The following HYCC2 variants were observed in gnomAD, a reference collection of about 807,000 sequenced individuals.
HYCC2 encodes the protein hyccin PI4KA lipid kinase complex subunit 2, also known as hyccin 2.
chr2:200,999,570 A>T, the HYCC2 span, among the ~76,000 whole-genome samples: 1 of 151,224 alleles, frequency 6.6e-6, no homozygotes, highest in African/African-American at 2.4e-5. Context: ...TTGTATTTTT[A>T]GTAGCGACAG....
the HYCC2 span, among the ~76,000 whole-genome samples, chr2:201,005,826 TTTTA>T: frequency 5.9e-5 from 9 of 151,996 alleles, no homozygotes; most frequent in Non-Finnish European, 1.2e-4. Flanking sequence ...ATTTTGTTAT[TTTTA>T]TTTATTTATT....
the HYCC2 span, among the ~76,000 whole-genome samples, chr2:201,015,369 G>A: frequency 6.6e-6 from 1 of 151,158 alleles, no homozygotes; most frequent in Admixed American, 6.6e-5. Context: ...TAGTATCTCA[G>A]AAGTGTTTAT....
the HYCC2 span, among the ~76,000 whole-genome samples, chr2:201,055,667 C>G: frequency 6.6e-6 from 1 of 152,162 alleles, no homozygotes; most frequent in Non-Finnish European, 1.5e-5. Flanking sequence ...CACTGCACCC[C>G]AGCATGGGTG....
the HYCC2 span, chr2:201,017,049 C>A: frequency 6.2e-7 from 1 of 1,614,088 alleles, no homozygotes; most frequent in Non-Finnish European, 8.5e-7. Context: ...TCTGTCTCGG[C>A]TAACTGTAAG....
chr2:201,033,741 A>G, the HYCC2 span, among the ~76,000 whole-genome samples: 3 of 151,806 alleles, frequency 2.0e-5, no homozygotes, highest in Non-Finnish European at 2.9e-5. Flanking sequence ...GGGTTTTCCT[A>G]TGTTGCCCAG....
the HYCC2 span, among the ~76,000 whole-genome samples, chr2:201,043,299 G>C: frequency 1.3e-5 from 2 of 151,842 alleles, no homozygotes; most frequent in East Asian, 1.9e-4. Flanking sequence ...TGCGGAAGGT[G>C]GCAGGGCCCT....
At chr2:200,988,735 T>C in the HYCC2 span, among the ~76,000 whole-genome samples, 1 of 152,174 alleles carries the variant, frequency 6.6e-6, no homozygotes, top group Non-Finnish European at 1.5e-5. Flanking sequence ...ATAAATAACA[T>C]GCAAAATTTA....
chr2:201,002,272 C>A, the HYCC2 span, among the ~76,000 whole-genome samples: 1 of 141,468 alleles, frequency 7.1e-6, no homozygotes, highest in African/African-American at 2.6e-5. Context: ...ACCTCTCCCA[C>A]CAATCAGCCA....
At chr2:200,998,618 G>C in the HYCC2 span, among the ~76,000 whole-genome samples, 71 of 152,324 alleles carry the variant, frequency 4.7e-4, no homozygotes, top group East Asian at 0.013. Context: ...CTTGTTGAAT[G>C]AATAAATAAA....
chr2:201,060,528 G>C, the HYCC2 span, among the ~76,000 whole-genome samples: 2 of 152,126 alleles, frequency 1.3e-5, no homozygotes, highest in Admixed American at 6.5e-5. Context: ...GCAACCATTA[G>C]GTAATCTTGA....
At chr2:201,026,682 A>T in the HYCC2 span, among the ~76,000 whole-genome samples, 54 of 152,226 alleles carry the variant, frequency 3.5e-4, no homozygotes, top group Non-Finnish European at 6.8e-4. Context: ...ACACAACTAC[A>T]TGGAAAGTGA....
the HYCC2 span, among the ~76,000 whole-genome samples, chr2:201,040,291 C>T: frequency 6.6e-6 from 1 of 151,954 alleles, no homozygotes; most frequent in African/African-American, 2.4e-5. Flanking sequence ...TAGTGGTGTA[C>T]AGCAGCAGTT....
chr2:201,041,812 T>C, the HYCC2 span, among the ~76,000 whole-genome samples: 1 of 152,204 alleles, frequency 6.6e-6, no homozygotes, highest in East Asian at 1.9e-4. Context: ...AACCATACTG[T>C]TTATATGTCC....
the HYCC2 span, among the ~76,000 whole-genome samples, chr2:201,004,139 G>A: frequency 6.6e-6 from 1 of 152,172 alleles, no homozygotes; most frequent in Non-Finnish European, 1.5e-5. Context: ...ATCAGCTTAT[G>A]AGTGGTGGCC....
chr2:200,981,995 A>T, the HYCC2 span: 1 of 941,160 alleles, frequency 1.1e-6, no homozygotes, highest in South Asian at 1.8e-5. This position sits in a 1 kb window ranked among gnomAD's most constrained non-coding sequence, Gnocchi z 4.5. Flanking sequence ...CCTACTATCA[A>T]CACTTCCCCT....
the HYCC2 span, among the ~76,000 whole-genome samples, chr2:201,048,337 T>C: frequency 6.6e-6 from 1 of 151,872 alleles, no homozygotes; most frequent in Non-Finnish European, 1.5e-5. Flanking sequence ...AAATAGCAAA[T>C]GACAGTAAGA....
chr2:201,060,131 C>T, the HYCC2 span, among the ~76,000 whole-genome samples: 5 of 151,488 alleles, frequency 3.3e-5, no homozygotes, highest in Admixed American at 6.6e-5. Flanking sequence ...TTTGCATTTC[C>T]GGTTCTTAAC....
At chr2:201,045,448 T>C in the HYCC2 span, 1 of 397,526 alleles carries the variant, frequency 2.5e-6, no homozygotes, top group African/African-American at 2.1e-5. Flanking sequence ...TCTAATGATA[T>C]AGAAAATTTA....
the HYCC2 span, among the ~76,000 whole-genome samples, chr2:200,999,121 A>T: frequency 6.6e-6 from 1 of 152,158 alleles, no homozygotes; most frequent in Non-Finnish European, 1.5e-5. Flanking sequence ...TAGCAAAAAG[A>T]TCTCTAGTTA....
Sources: allele counts gnomAD v4.1 joint callset (sites outside exome capture counted in the v4.1 genomes callset), GRCh38; gene constraint gnomAD v4.1.1; non-coding constraint Gnocchi (gnomAD v3.1); transcripts MANE v1.5; gene names NCBI Gene and HGNC (gene_info 2026-07-23, HGNC 2026-07-21).